Variants in EYS observed in about 807,000 individuals in gnomAD.
EYS encodes the protein EGF-like photoreceptor maintenance factor, also known as protein eyes shut homolog.
A neutral mutation model predicts 282.1 loss-of-function variants in EYS; 250 were observed. The observed-to-expected ratio is 0.89, with a 90% CI of 0.80 to 0.98. The LOEUF (loss-of-function observed/expected upper bound fraction) is 0.98. Among genes scored for constraint, EYS ranks in the 50% least tolerant of loss-of-function variants. EYS has a pLI of 0.00. For missense variants in EYS, 4,016 were observed against 3,709.0 expected, an observed-to-expected ratio of 1.08 and a Z score of -2.15; for synonymous variants, 1,355 against 1,282.9, an observed-to-expected ratio of 1.06 and a Z score of -1.20.
chr6:65,112,567 A>C (rs987281015), intron 12 of EYS, among the ~76,000 whole-genome samples: 14 of 152,318 alleles, frequency 9.2e-5, no homozygotes, highest in African/African-American at 3.4e-4. Context: ...TGATTCAATA[A>C]ATAGCTTACA....
intron 12 of EYS, among the ~76,000 whole-genome samples, chr6:65,159,129 T>C (rs1200188515): frequency 1.3e-5 from 2 of 150,904 alleles, no homozygotes; most frequent in South Asian, 4.1e-4. Flanking sequence ...ACACATAATT[T>C]TTGCCCCTCT....
chr6:65,170,093 C>G (rs1424222580), intron 12 of EYS, among the ~76,000 whole-genome samples: 1 of 151,408 alleles, frequency 6.6e-6, no homozygotes, highest in Admixed American at 6.6e-5. Context: ...GGACACTTTC[C>G]TGAGTGAGTC....
At chr6:64,328,610 C>T (rs908746637) in intron 29 of EYS, among the ~76,000 whole-genome samples, 2 of 152,170 alleles carry the variant, frequency 1.3e-5, no homozygotes, top group African/African-American at 4.8e-5. Flanking sequence ...CACAAGGAGA[C>T]ATAAAGCGAA....
At chr6:65,042,862 T>G (rs990556369) in intron 13 of EYS, among the ~76,000 whole-genome samples, 2 of 151,248 alleles carry the variant, frequency 1.3e-5, no homozygotes, top group Non-Finnish European at 3.0e-5. Context: ...TTATTAAAAT[T>G]ATTATATATA....
At chr6:63,768,762 A>G (rs779929494) in intron 40 of EYS, among the ~76,000 whole-genome samples, 4 of 152,116 alleles carry the variant, frequency 2.6e-5, no homozygotes, top group African/African-American at 9.7e-5. Context: ...TCAAAAAGAC[A>G]TATGCATTTG....
intron 29 of EYS, among the ~76,000 whole-genome samples, chr6:64,321,693 G>T (rs1370355078): frequency 1.3e-5 from 2 of 151,876 alleles, no homozygotes; most frequent in Non-Finnish European, 2.9e-5. Context: ...TTGGTAGGAA[G>T]TGCTGATTCT....
chr6:64,165,916 C>T (rs1582370595), intron 31 of EYS, among the ~76,000 whole-genome samples: 2 of 152,198 alleles, frequency 1.3e-5, no homozygotes, highest in East Asian at 3.8e-4. Context: ...TAGTGCCTGA[C>T]AAATAAACCA....
At chr6:64,154,382 G>A (rs1774843839) in intron 31 of EYS, among the ~76,000 whole-genome samples, 1 of 147,940 alleles carries the variant, frequency 6.8e-6, no homozygotes, top group Admixed American at 6.8e-5. Flanking sequence ...AGAGGTTGCG[G>A]TGAGCCGAGA....
chr6:64,708,025 C>T (rs1038656605), intron 22 of EYS, among the ~76,000 whole-genome samples: 8 of 151,414 alleles, frequency 5.3e-5, no homozygotes, highest in East Asian at 1.9e-4. Context: ...CAAAAAAAAA[C>T]CCGGATAAAC....
At chr6:64,779,483 G>T (rs1773790220) in intron 22 of EYS, among the ~76,000 whole-genome samples, 1 of 152,062 alleles carries the variant, frequency 6.6e-6, no homozygotes, top group Admixed American at 6.6e-5. Flanking sequence ...CCAGGAGTTG[G>T]GTTGGGGGAA....
chr6:63,946,724 CTA>C (rs780841248), intron 35 of EYS, among the ~76,000 whole-genome samples: 3 of 130,010 alleles, frequency 2.3e-5, no homozygotes, highest in East Asian at 4.7e-4. Context: ...GTTTTATGAA[CTA>C]TTTTTTTTTT....
intron 18 of EYS, among the ~76,000 whole-genome samples, chr6:64,901,041 C>A (rs990543117): frequency 6.6e-5 from 5 of 75,556 alleles, no homozygotes; most frequent in African/African-American, 5.8e-4. Flanking sequence ...CACATATACA[C>A]CATGAAATAC....
At chr6:65,115,338 A>G (rs1364499096) in intron 12 of EYS, among the ~76,000 whole-genome samples, 1 of 152,070 alleles carries the variant, frequency 6.6e-6, no homozygotes, top group Non-Finnish European at 1.5e-5. Context: ...GTTCATCTTT[A>G]TCACTCACTG....
In EYS at chr6:65,225,320, G is replaced by T. The variant is rs1214176961; in HGVS notation, c.2023+70543C>A. On this transcript the variant is annotated intron_variant, in intron 12 of 42. Coordinates refer to ENST00000503581, the MANE Select transcript of EYS (RefSeq NM_001142800.2). ...TATAATATATAATTATAATTATATA[G>T]TATAGCAAATATAAAGCAGCATATT... Among the ~76,000 whole-genome samples, 5 of 150,248 alleles carry T rather than the reference G, an allele frequency of 3.3e-5. No individual in the cohort carries two copies. In the Admixed American group the frequency reaches 3.3e-4, roughly 10 times the overall value.
At chr6:64,930,535 G>A (rs1401532630) in intron 15 of EYS, among the ~76,000 whole-genome samples, 2 of 148,082 alleles carry the variant, frequency 1.4e-5, no homozygotes, top group South Asian at 2.2e-4. Flanking sequence ...TTTATTTGAT[G>A]TGTTAAGATA....
intron 13 of EYS, among the ~76,000 whole-genome samples, chr6:65,037,163 T>C (rs893555445): frequency 6.6e-6 from 1 of 151,784 alleles, no homozygotes; most frequent in African/African-American, 2.4e-5. Context: ...TTTGTAGCAA[T>C]ATGGAAGGAG....
At chr6:65,230,113 A>C (rs1262075063) in intron 12 of EYS, among the ~76,000 whole-genome samples, 4 of 151,942 alleles carry the variant, frequency 2.6e-5, no homozygotes, top group Non-Finnish European at 5.9e-5. Context: ...AAAGGGTAGA[A>C]TCCATCACAG....
intron 2 of EYS, among the ~76,000 whole-genome samples, chr6:65,538,675 A>C (rs1322665482): frequency 6.6e-6 from 1 of 152,196 alleles, no homozygotes; most frequent in African/African-American, 2.4e-5. Flanking sequence ...CCATTTATCC[A>C]TTCAAACACT....
At chr6:64,236,059 A>T (rs900836691) in intron 30 of EYS, among the ~76,000 whole-genome samples, 3 of 152,234 alleles carry the variant, frequency 2.0e-5, no homozygotes, top group Admixed American at 6.5e-5. Context: ...ATGAACATTG[A>T]TGCAAAAATC....
Sources: gnomAD v4.1 joint callset for allele counts (sites outside exome capture counted in the v4.1 genomes callset) on GRCh38, gnomAD v4.1.1 for gene constraint, MANE v1.5 for transcripts, NCBI Gene and HGNC (gene_info 2026-07-23, HGNC 2026-07-21) for gene names.